Variants in MNDA observed in about 807,000 individuals in gnomAD.
MNDA encodes the protein myeloid cell nuclear differentiation antigen, also known as epididymis secretory sperm binding protein.
In MNDA, 43 loss-of-function variants were observed where a neutral mutation model predicts 37.8. The observed-to-expected ratio is 1.14, with a 90% CI of 0.89 to 1.47. The LOEUF (loss-of-function observed/expected upper bound fraction) is 1.47. MNDA is among the 40% of genes most tolerant of loss of function. The pLI is 0.00. For missense variants in MNDA, 536 were observed against 476.0 expected (o/e 1.13, Z -1.17); for synonymous variants, 181 against 169.0 (o/e 1.07, Z -0.55).
chr1:158,839,920 C>A (rs1194368940), intron 1 of MNDA, among the ~76,000 whole-genome samples: 1 of 152,128 alleles, frequency 6.6e-6, no homozygotes, highest in Non-Finnish European at 1.5e-5. Context: ...GAGAAGAGAA[C>A]AATTTTTTAA....
intron 1 of MNDA, among the ~76,000 whole-genome samples, chr1:158,840,557 T>G (rs543115625): frequency 6.6e-6 from 1 of 152,164 alleles, no homozygotes; most frequent in Admixed American, 6.6e-5. Flanking sequence ...ATTTGCAAGA[T>G]GATTTTGCTA....
intron 4 of MNDA, 75 bp from the exon 5 acceptor site, chr1:158,845,512 T>A: frequency 6.9e-7 from 1 of 1,458,350 alleles, no homozygotes. Context: ...AGTGCTAGGA[T>A]TACAGGCGTG....
At chr1:158,848,524 T>TA (rs986323549) in intron 6 of MNDA, among the ~76,000 whole-genome samples, 4 of 151,568 alleles carry the variant, frequency 2.6e-5, no homozygotes, top group South Asian at 4.2e-4. Context: ...ACCCAAAGAT[T>TA]AAAAAAAAGG....
chr1:158,835,995 G>A (rs953943368), intron 1 of MNDA, among the ~76,000 whole-genome samples: 1 of 151,734 alleles, frequency 6.6e-6, no homozygotes, highest in Non-Finnish European at 1.5e-5. Context: ...TCAGGAATAA[G>A]AGAAATATTT....
At chr1:158,834,629 C>G (rs980398863) in intron 1 of MNDA, among the ~76,000 whole-genome samples, 1 of 152,046 alleles carries the variant, frequency 6.6e-6, no homozygotes, top group African/African-American at 2.4e-5. Context: ...TTGTTGTAGT[C>G]TAATTTATCT....
At chr1:158,845,465 C>T (rs1451932592) in intron 4 of MNDA, 122 bp from the exon 5 acceptor site, 6 of 915,126 alleles carry the variant, frequency 6.6e-6, no homozygotes, top group South Asian at 3.7e-5. Flanking sequence ...TGGTCTCGAT[C>T]TTCTGACCTC....
chr1:158,833,438 C>A (rs527943362), intron 1 of MNDA, among the ~76,000 whole-genome samples: 79 of 152,318 alleles, frequency 5.2e-4, no homozygotes, highest in African/African-American at 1.8e-3. Flanking sequence ...AACGCCTTTG[C>A]ATCTTGCAAA....
chr1:158,841,494 T>A, intron 1 of MNDA, among the ~76,000 whole-genome samples: 1 of 152,106 alleles, frequency 6.6e-6, no homozygotes, highest in Non-Finnish European at 1.5e-5. Context: ...AATTCCACAC[T>A]AGAGAGCAGA....
chr1:158,843,665 C>T (rs1659074681), intron 3 of MNDA, among the ~76,000 whole-genome samples: 1 of 152,200 alleles, frequency 6.6e-6, no homozygotes, highest in Non-Finnish European at 1.5e-5. Context: ...CCCATCCTTA[C>T]ACAAATCTAG....
chr1:158,849,157 G>A lies in MNDA; in HGVS notation c.1177-33G>A, dbSNP rs754124199. On this transcript the variant is annotated intron_variant, in intron 6 of 6. Coordinates refer to ENST00000368141, the MANE Select transcript of MNDA (RefSeq NM_002432.3). ...GCAGAGCTTCATTTCAATATCTAGGGTCTCATTATGTCTTTCTTATCTCTC... is the reference window on the plus strand; with the variant it reads ...GCAGAGCTTCATTTCAATATCTAGGATCTCATTATGTCTTTCTTATCTCTC... 1.9e-6 allele frequency: 3 copies of A among 1,538,884 alleles called. No individual in the cohort carries two copies. The South Asian group carries it at 3.5e-5, about 18-fold the overall frequency.
chr1:158,843,168 C>T, intron 2 of MNDA, 111 bp from the exon 3 acceptor site: 3 of 1,377,386 alleles, frequency 2.2e-6, no homozygotes, highest in Non-Finnish European at 2.9e-6. Context: ...ACAGGCAAAT[C>T]CGAACTCTCA....
At chr1:158,832,887 T>C (rs939793797) in intron 1 of MNDA, among the ~76,000 whole-genome samples, 8 of 152,126 alleles carry the variant, frequency 5.3e-5, no homozygotes, top group Admixed American at 2.6e-4. Flanking sequence ...AGTCCAGATA[T>C]GCAAATTCTA....
At chr1:158,843,925 C>T (rs1302215345) in intron 3 of MNDA, 30 bp from the exon 4 acceptor site, 1 of 1,549,338 alleles carries the variant, frequency 6.5e-7, no homozygotes, top group South Asian at 1.2e-5. Context: ...ATACTAAACT[C>T]CATTAACAGG....
chr1:158,835,627 G>T (rs1171100754), intron 1 of MNDA, among the ~76,000 whole-genome samples: 2 of 95,188 alleles, frequency 2.1e-5, no homozygotes, highest in Admixed American at 1.4e-4. Flanking sequence ...GGGGCGGGGG[G>T]TGGGTGTTAA....
At chr1:158,834,651 G>A (rs1302362414) in intron 1 of MNDA, among the ~76,000 whole-genome samples, 1 of 151,948 alleles carries the variant, frequency 6.6e-6, no homozygotes, top group Non-Finnish European at 1.5e-5. Context: ...TTTTATTGTT[G>A]TTGTTGTTGC....
At position 158,844,134 on chromosome 1, in the gene MNDA, C is replaced by G. The variant is rs916665118; in HGVS notation, c.570+12C>G. ...CTTCGTTTACTCCGGTACACTCTTC[C>G]TGGTCCTCTTCTCCATTTTTTTTTA... On this transcript the variant is annotated intron_variant, in intron 4 of 6. Coordinates refer to ENST00000368141, the MANE Select transcript of MNDA (RefSeq NM_002432.3). 2.6e-6 allele frequency: 4 copies of G among 1,538,780 alleles called. No individual in the cohort carries two copies. The highest frequency in any genetic ancestry group is 3.5e-6 in the Non-Finnish European group (4 of 1,140,848).
At chr1:158,845,517 G>A (rs1659114819) in intron 4 of MNDA, 70 bp from the exon 5 acceptor site, 1 of 1,485,446 alleles carries the variant, frequency 6.7e-7, no homozygotes, top group African/African-American at 1.4e-5. Context: ...TAGGATTACA[G>A]GCGTGAGCCA....
chr1:158,844,154 T>A (rs1195680630), intron 4 of MNDA, 32 bp downstream of exon 4: 1 of 1,489,176 alleles, frequency 6.7e-7, no homozygotes, highest in Non-Finnish European at 9.0e-7. Context: ...TCTCCATTTT[T>A]TTTTAACCCA....
At chr1:158,836,849 A>G (rs974393984) in intron 1 of MNDA, among the ~76,000 whole-genome samples, 2 of 151,768 alleles carry the variant, frequency 1.3e-5, no homozygotes, top group Non-Finnish European at 3.0e-5. Flanking sequence ...AGTTGTTTAA[A>G]TCTGTAAATT....
Sources: gnomAD v4.1 joint callset for allele counts (sites outside exome capture counted in the v4.1 genomes callset) on GRCh38, gnomAD v4.1.1 for gene constraint, MANE v1.5 for transcripts, NCBI Gene and HGNC (gene_info 2026-07-23, HGNC 2026-07-21) for gene names.